NR1H4: variants seen among roughly 807,000 people sequenced by gnomAD.
NR1H4 encodes the protein nuclear receptor subfamily 1 group H member 4.
A neutral mutation model predicts 58.5 loss-of-function variants in NR1H4; 23 were observed. The ratio of observed to expected loss-of-function variants is 0.39; its 90% CI spans 0.28 to 0.56. The LOEUF is 0.56. Among genes scored for constraint, NR1H4 ranks in the 20% least tolerant of loss-of-function variants. The pLI is 0.58. For missense variants in NR1H4, 487 were observed against 576.9 expected (o/e 0.84, Z 1.60); for synonymous variants, 214 against 198.0 (o/e 1.08, Z -0.68).
At chr12:100,527,731 G>A (rs1434538814) in intron 4 of NR1H4, among the ~76,000 whole-genome samples, 4 of 152,176 alleles carry the variant, frequency 2.6e-5, no homozygotes, top group Non-Finnish European at 2.9e-5. Context: ...CCACCTATGA[G>A]TGAGAACATA....
chr12:100,563,647 G>T lies in NR1H4; in HGVS notation c.*158G>T. The T allele has an allele frequency of 1.5e-6, 1 of 667,680 alleles. No homozygotes were observed. 41.4% of individuals were successfully genotyped at this position (667,680 alleles called of 1,614,324 possible). On this transcript the variant is annotated 3_prime_UTR_variant, in exon 11 of 11. Coordinates refer to ENST00000392986, the MANE Select transcript of NR1H4 (RefSeq NM_001206979.2). The stretch of plus-strand genomic sequence containing the variant: ...GTAACTTCCACAACTGTAAATATTG[G>T]GCTAGATAGAACAACTTTCTCTACA...
chr12:100,535,382 A>G (rs1332613363), intron 6 of NR1H4, among the ~76,000 whole-genome samples: 2 of 152,230 alleles, frequency 1.3e-5, no homozygotes, highest in African/African-American at 4.8e-5. Context: ...TGGTCTCAAT[A>G]GAGGCTGTGG....
At chr12:100,476,376 A>G (rs192878018) in intron 1 of NR1H4, among the ~76,000 whole-genome samples, 181 of 152,304 alleles carry the variant, frequency 1.2e-3, no homozygotes, top group African/African-American at 4.3e-3. Flanking sequence ...GAAACTGGAA[A>G]GTTTGGAGCA....
chr12:100,490,242 T>C (rs1953577500), intron 1 of NR1H4, among the ~76,000 whole-genome samples: 1 of 152,160 alleles, frequency 6.6e-6, no homozygotes, highest in Non-Finnish European at 1.5e-5. Flanking sequence ...GAAGAAAATA[T>C]ATCACAGGAA....
At chr12:100,521,097 AAAAC>A (rs1434221178) in intron 4 of NR1H4, among the ~76,000 whole-genome samples, 7 of 152,192 alleles carry the variant, frequency 4.6e-5, no homozygotes, top group Admixed American at 1.3e-4. Context: ...TGTGATACTT[AAAAC>A]AAACAAAGAA....
At chr12:100,534,140 G>T (rs541935390) in intron 5 of NR1H4, among the ~76,000 whole-genome samples, 3 of 151,460 alleles carry the variant, frequency 2.0e-5, no homozygotes, top group Non-Finnish European at 4.4e-5. Context: ...TCATCCACCC[G>T]CCTCGGCCTC....
intron 8 of NR1H4, among the ~76,000 whole-genome samples, chr12:100,538,270 T>A (rs1258216060): frequency 1.3e-5 from 2 of 152,118 alleles, no homozygotes; most frequent in African/African-American, 2.4e-5. Flanking sequence ...ATCAGGTTCA[T>A]GTAAGATGAA....
At chr12:100,562,496 C>CT (rs1421919212) in intron 10 of NR1H4, among the ~76,000 whole-genome samples, 1 of 151,894 alleles carries the variant, frequency 6.6e-6, no homozygotes, top group Admixed American at 6.6e-5. Context: ...TAATAAGGAA[C>CT]TTTTTTCTGA....
At chr12:100,506,020 CACACACACACACACACACACACAGAG>C (rs990023448) in intron 3 of NR1H4, among the ~76,000 whole-genome samples, 25 of 145,918 alleles carry the variant, frequency 1.7e-4, no homozygotes, top group African/African-American at 6.3e-4. Flanking sequence ...CACACACACA[CACACACACACACACACACACACAGAG>C]AGAGAGAGAG....
chr12:100,561,529 TAG>T (rs1955474126), intron 9 of NR1H4, among the ~76,000 whole-genome samples: 1 of 152,214 alleles, frequency 6.6e-6, no homozygotes, highest in Admixed American at 6.5e-5. Flanking sequence ...TAATTATCGA[TAG>T]TCATATTCAA....
chr12:100,550,881 G>A (rs980789265), intron 9 of NR1H4, among the ~76,000 whole-genome samples: 2 of 152,216 alleles, frequency 1.3e-5, no homozygotes, highest in Admixed American at 6.5e-5. Context: ...GTTTTCACAT[G>A]CATTATCCTG....
chr12:100,533,890 C>CTTTTTTTTTTTTTTTT (rs758465149), intron 5 of NR1H4, among the ~76,000 whole-genome samples: 12 of 143,404 alleles, frequency 8.4e-5, no homozygotes, highest in South Asian at 2.2e-4. Flanking sequence ...TAATAGCTCT[C>CTTTTTTTTTTTTTTTT]TTTTTTTTTT....
intron 4 of NR1H4, among the ~76,000 whole-genome samples, chr12:100,522,760 T>C (rs978031439): frequency 2.6e-5 from 4 of 152,316 alleles, no homozygotes; most frequent in African/African-American, 9.6e-5. Context: ...TGTATACCTT[T>C]GCTTACTGAT....
intron 1 of NR1H4, among the ~76,000 whole-genome samples, chr12:100,482,018 C>A (rs759660243): frequency 1.3e-5 from 2 of 152,128 alleles, no homozygotes; most frequent in Admixed American, 1.3e-4. Flanking sequence ...GTGAGGATTG[C>A]TTGAGCCTGG....
At chr12:100,531,873 T>C (rs1035941745) in intron 4 of NR1H4, among the ~76,000 whole-genome samples, 2 of 152,208 alleles carry the variant, frequency 1.3e-5, no homozygotes, top group Non-Finnish European at 2.9e-5. Context: ...GCATATAAAG[T>C]ACTGAATTGA....
intron 4 of NR1H4, among the ~76,000 whole-genome samples, chr12:100,524,103 A>G (rs1954495935): frequency 1.3e-5 from 2 of 152,240 alleles, no homozygotes; most frequent in Admixed American, 6.5e-5. Flanking sequence ...CTAAGATGAT[A>G]AAAACTAAAT....
In NR1H4 at chr12:100,511,069, A is replaced by G; in HGVS notation, c.371A>G (p.Asp124Gly). 1 of 1,614,254 alleles carries G rather than the reference A, an allele frequency of 6.2e-7. No homozygotes were observed. Among genetic ancestry groups the G allele is most frequent in the Non-Finnish European group, 8.5e-7 (1 of 1,180,048 alleles). The part of the protein sequence containing the change: ...MGASAGRIKG[D>G]ELCVVCGDRA... ...GCGTCAGCAGGGAGGATCAAAGGGG[A>G]TGAGCTGTGTGTTGTTTGTGGAGAC... Residue 124 changes from aspartate to glycine, a missense_variant, in exon 4 of 11, where the codon GAT becomes GGT. By Grantham distance (94) the Asp-to-Gly change is moderately conservative. Transcript: ENST00000392986.
chr12:100,546,368 C>T (rs1035542996), intron 9 of NR1H4, among the ~76,000 whole-genome samples: 4 of 152,110 alleles, frequency 2.6e-5, no homozygotes, highest in African/African-American at 9.7e-5. Flanking sequence ...TTGCCACCTT[C>T]CAGTACCCTG....
At chr12:100,537,242 A>G (rs1291103473) in intron 8 of NR1H4, among the ~76,000 whole-genome samples, 195 bp downstream of exon 8, 1 of 152,244 alleles carries the variant, frequency 6.6e-6, no homozygotes, top group African/African-American at 2.4e-5. Flanking sequence ...GTCTTGTGAC[A>G]TTGAGAAAGG....
Sources: gnomAD v4.1 joint callset for allele counts (sites outside exome capture counted in the v4.1 genomes callset) on GRCh38, gnomAD v4.1.1 for gene constraint, MANE v1.5 for transcripts, NCBI Gene and HGNC (gene_info 2026-07-23, HGNC 2026-07-21) for gene names.